ADRA1B: variants seen among roughly 807,000 people sequenced by gnomAD.
ADRA1B encodes alpha-1B adrenergic receptor.
ADRA1B carries 17 observed loss-of-function variants against 17.9 expected under a neutral mutation model. The ratio of observed to expected loss-of-function variants is 0.95; its 90% CI spans 0.65 to 1.42. The LOEUF (loss-of-function observed/expected upper bound fraction) is 1.42, where lower values mean the gene tolerates loss of function less well. ADRA1B is among the 40% of genes most tolerant of loss of function. ADRA1B has a pLI of 0.00. For synonymous variants in ADRA1B, 366 were observed against 327.6 expected (o/e 1.12, Z -1.27); for missense variants, 681 against 722.1 (o/e 0.94, Z 0.65).
intron 1 of ADRA1B, among the ~76,000 whole-genome samples, chr5:159,892,415 C>T (rs1452061155): frequency 6.6e-6 from 1 of 152,158 alleles, no homozygotes; most frequent in Non-Finnish European, 1.5e-5. Context: ...GTTTGCTGCA[C>T]AGATCATCCC....
intron 1 of ADRA1B, among the ~76,000 whole-genome samples, chr5:159,932,965 CAT>C (rs1207598765): frequency 4.6e-5 from 7 of 152,178 alleles, no homozygotes; most frequent in African/African-American, 1.4e-4. Flanking sequence ...CCAATTTCCA[CAT>C]GAGTAAATAT....
chr5:159,899,270 G>GGAAGGAAGGAAGGAAGGAAA (rs1754071715), intron 1 of ADRA1B, among the ~76,000 whole-genome samples: 1 of 112,496 alleles, frequency 8.9e-6, no homozygotes. Context: ...AAGAAAGGAA[G>GGAAGGAAGGAAGGAAGGAAA]GAAGGAAGGA....
At chr5:159,904,469 T>C (rs1226273111) in intron 1 of ADRA1B, among the ~76,000 whole-genome samples, 1 of 152,214 alleles carries the variant, frequency 6.6e-6, no homozygotes, top group Non-Finnish European at 1.5e-5. Context: ...ATGGGTACAT[T>C]TGTGGAACTG....
chr5:159,912,361 T>G (rs555284516), upstream of ADRA1B, among the ~76,000 whole-genome samples: 1 of 152,332 alleles, frequency 6.6e-6, no homozygotes, highest in African/African-American at 2.4e-5. Flanking sequence ...ATAGTAAACA[T>G]TAAATGACAG....
chr5:159,909,628 C>T (rs1453926729), intron 1 of ADRA1B, among the ~76,000 whole-genome samples: 3 of 152,242 alleles, frequency 2.0e-5, no homozygotes, highest in African/African-American at 7.2e-5. Flanking sequence ...CTCCATTGCA[C>T]ATTCCCGTTA....
chr5:159,872,781 A>C (rs1396570316), intron 1 of ADRA1B, among the ~76,000 whole-genome samples: 1 of 152,158 alleles, frequency 6.6e-6, no homozygotes, highest in Non-Finnish European at 1.5e-5. Flanking sequence ...TTTATAAAAA[A>C]AATTCTGGGA....
intron 1 of ADRA1B, among the ~76,000 whole-genome samples, chr5:159,886,855 T>C (rs1006600477): frequency 6.6e-6 from 1 of 152,176 alleles, no homozygotes; most frequent in Non-Finnish European, 1.5e-5. Context: ...TTTAGTTTCT[T>C]CCTCTGTAAA....
intron 1 of ADRA1B, among the ~76,000 whole-genome samples, chr5:159,948,907 C>A (rs752433325): frequency 6.6e-6 from 1 of 152,118 alleles, no homozygotes; most frequent in Non-Finnish European, 1.5e-5. Flanking sequence ...TCTCATTTAA[C>A]CCTTCCAAGA....
At position 159,879,812 on chromosome 5, in the gene ADRA1B, A is replaced by G. The variant is rs549190608; in HGVS notation, c.-256+14606A>G. The stretch of plus-strand genomic sequence containing the variant: ...GAAGGTCAAGACCAACCTGGCCAAC[A>G]TGGTGAGACCCTGTCTCTACTAAAA... On this transcript the variant is annotated intron_variant, in intron 1 of 2. Coordinates refer to the ADRA1B transcript ENST00000641205. Among the ~76,000 whole-genome samples the G allele has an allele frequency of 3.3e-5, 5 of 152,268 alleles. No individual in the cohort carries two copies. In the South Asian group the frequency reaches 8.3e-4, roughly 25 times the overall value.
chr5:159,921,563 A>G (rs1754482963), intron 1 of ADRA1B, among the ~76,000 whole-genome samples: 1 of 152,174 alleles, frequency 6.6e-6, no homozygotes, highest in East Asian at 1.9e-4. Flanking sequence ...AGTGCTCCGC[A>G]GCCAACCAGT....
chr5:159,951,159 C>G, intron 1 of ADRA1B: 1 of 750,926 alleles, frequency 1.3e-6, no homozygotes, highest in Non-Finnish European at 2.4e-6. Context: ...CTTGTAGCTC[C>G]TCCCTGCAAG....
At position 159,972,441 on chromosome 5, in the gene ADRA1B, C is replaced by T. The variant is rs1158306219; in HGVS notation, c.1512C>T (p.Asn504=). 3.3e-6 allele frequency: 5 copies of T among 1,493,192 alleles called. No homozygotes were observed. Among genetic ancestry groups the T allele is most frequent in the Admixed American group, 2.1e-5 (1 of 46,672 alleles). 92.5% of individuals were successfully genotyped at this position (1,493,192 alleles called of 1,614,324 possible). A position where few individuals can be genotyped will look rare whatever the true frequency, so the allele number is the denominator to read the frequency against. ...GCGAGGCCGCGGCCGACGTGGCCAACGGGCAGCCGGGCTTCAAAAGCAACA... is the reference window on the plus strand; with the variant it reads ...GCGAGGCCGCGGCCGACGTGGCCAATGGGCAGCCGGGCTTCAAAAGCAACA... ...GGCEAAADVA[N]GQPGFKSNMP... Residue 504 remains asparagine (N), a synonymous_variant, in exon 2 of 2, where the codon AAC becomes AAT. Transcript: ENST00000306675.
chr5:159,951,450 G>A (rs545671775), intron 1 of ADRA1B: 9 of 741,454 alleles, frequency 1.2e-5, no homozygotes, highest in Non-Finnish European at 2.0e-5. Flanking sequence ...CTGGTGAGCA[G>A]GTGCCCAATA....
At chr5:159,901,950 A>C (rs1581024952) in intron 1 of ADRA1B, among the ~76,000 whole-genome samples, 1 of 152,354 alleles carries the variant, frequency 6.6e-6, no homozygotes. Context: ...AGCTTCCACA[A>C]AAAATTAAAA....
chr5:159,907,851 A>C (rs1407274835), intron 1 of ADRA1B, among the ~76,000 whole-genome samples: 1 of 152,130 alleles, frequency 6.6e-6, no homozygotes, highest in Non-Finnish European at 1.5e-5. Flanking sequence ...GGATGAAGCC[A>C]GTTTGGTGTT....
the ADRA1B span, among the ~76,000 whole-genome samples, chr5:159,983,471 G>A: frequency 1.3e-5 from 2 of 152,206 alleles, no homozygotes; most frequent in African/African-American, 4.8e-5. Context: ...AGGTAACAGA[G>A]ACAGGTATTC....
intron 1 of ADRA1B, among the ~76,000 whole-genome samples, chr5:159,880,352 G>A (rs1753850112): frequency 6.6e-6 from 1 of 152,198 alleles, no homozygotes; most frequent in Non-Finnish European, 1.5e-5. Flanking sequence ...CTTACTAAGT[G>A]CCACATAATT....
chr5:159,943,208 T>C (rs1301658997), intron 1 of ADRA1B, among the ~76,000 whole-genome samples: 1 of 141,740 alleles, frequency 7.1e-6, no homozygotes, highest in African/African-American at 2.6e-5. Context: ...CAAGACTCTG[T>C]CTCAGAAAAA....
chr5:159,878,483 C>A (rs138711172), intron 1 of ADRA1B, among the ~76,000 whole-genome samples: 1 of 152,192 alleles, frequency 6.6e-6, no homozygotes, highest in African/African-American at 2.4e-5. Context: ...CCCTGTTTTC[C>A]GCGTGCAATC....
Sources: gnomAD v4.1 joint callset for allele counts (sites outside exome capture counted in the v4.1 genomes callset) on GRCh38, gnomAD v4.1.1 for gene constraint, MANE v1.5 for transcripts, NCBI Gene and HGNC (gene_info 2026-07-23, HGNC 2026-07-21) for gene names.